STK3: variants seen among roughly 807,000 people sequenced by gnomAD.
The protein encoded by STK3 is serine/threonine kinase 3.
Under a neutral mutation model 58.0 loss-of-function variants are expected in STK3, and 41 were observed. The observed-to-expected ratio is 0.71, with a 90% CI of 0.55 to 0.92. The LOEUF (loss-of-function observed/expected upper bound fraction) is 0.92, where lower values mean the gene tolerates loss of function less well. Among genes scored for constraint, STK3 ranks in the 40% least tolerant of loss-of-function variants. The pLI is 0.00. For synonymous variants in STK3, 170 were observed against 191.0 expected (o/e 0.89, Z 0.91); for missense variants, 479 against 602.7 (o/e 0.79, Z 2.15).
At chr8:98,901,175 A>G (rs1192884861) in intron 1 of STK3, among the ~76,000 whole-genome samples, 2 of 152,200 alleles carry the variant, frequency 1.3e-5, no homozygotes, top group Admixed American at 6.5e-5. Flanking sequence ...TTATCACCAC[A>G]TGACTTTAGG....
In STK3 at chr8:98,378,539, A is replaced by C. The variant is rs376505331; in HGVS notation, n.111+614T>G. Among the ~76,000 whole-genome samples the C allele has an allele frequency of 1.2e-4, 18 of 152,332 alleles. 2 individuals are homozygous for C. The highest frequency in any genetic ancestry group is 3.4e-3 in the Middle Eastern group (1 of 294). On this transcript the variant is annotated intron_variant and non_coding_transcript_variant, in intron 2 of 2. Transcript: ENST00000518704. ...TTTCCTCATCTCTAGGATGGATAAA[A>C]GAATAGTATTTGGATTGTGAGTATA...
At chr8:98,735,515 A>T (rs1043545627) in intron 4 of STK3, among the ~76,000 whole-genome samples, 10 of 152,200 alleles carry the variant, frequency 6.6e-5, no homozygotes, top group African/African-American at 2.4e-4. Flanking sequence ...TAAGTCACAT[A>T]TACTATTTTA....
At chr8:98,841,749 C>G (rs1835997016) in intron 3 of STK3, among the ~76,000 whole-genome samples, 1 of 149,004 alleles carries the variant, frequency 6.7e-6, no homozygotes, top group African/African-American at 2.5e-5. Flanking sequence ...CTTGACAGTT[C>G]TATGGAAAAT....
intron 1 of STK3, among the ~76,000 whole-genome samples, chr8:98,924,454 C>T (rs1839707844): frequency 6.6e-6 from 1 of 152,182 alleles, no homozygotes. Flanking sequence ...CCTTCTTCTT[C>T]TTTATGCATA....
chr8:98,469,264 G>T (rs557046335), intron 10 of STK3, among the ~76,000 whole-genome samples: 7 of 147,532 alleles, frequency 4.7e-5, no homozygotes, highest in African/African-American at 7.4e-5. Context: ...GGGGCGGGGG[G>T]GCGGTCTGAG....
At chr8:98,831,882 T>C (rs956059834) in intron 3 of STK3, among the ~76,000 whole-genome samples, 3 of 152,230 alleles carry the variant, frequency 2.0e-5, no homozygotes, top group African/African-American at 7.2e-5. Flanking sequence ...TGTGAACCTC[T>C]TGGGAATAAG....
chr8:98,931,516 G>A (rs1006187836), intron 1 of STK3, among the ~76,000 whole-genome samples: 2 of 152,214 alleles, frequency 1.3e-5, no homozygotes, highest in African/African-American at 2.4e-5. Flanking sequence ...AAAATCATTT[G>A]AGCAAATAAT....
At chr8:98,350,183 A>G in the STK3 span, among the ~76,000 whole-genome samples, 3 of 151,982 alleles carry the variant, frequency 2.0e-5, no homozygotes, top group Non-Finnish European at 4.4e-5. Context: ...GATACCCTAA[A>G]TCATCTCTCT....
chr8:98,587,585 A>G lies in STK3; in HGVS notation c.823-7796T>C, dbSNP rs564579641. On this transcript the variant is annotated intron_variant, in intron 7 of 10. Transcript: ENST00000419617. ...AAAATGTATATTCTGTTGATTTGGG[A>G]TGGAGAGTTCTGTAGATGTCTATTA... Among the ~76,000 whole-genome samples the G allele has an allele frequency of 8.2e-4, 124 of 152,124 alleles. 1 individual carries two copies. Among genetic ancestry groups the G allele is most frequent in the African/African-American group, 2.8e-3 (118 of 41,450 alleles).
chr8:98,670,615 T>G (rs1446990176), intron 6 of STK3, among the ~76,000 whole-genome samples: 2 of 152,108 alleles, frequency 1.3e-5, no homozygotes, highest in Non-Finnish European at 2.9e-5. Flanking sequence ...AGAACTTCTA[T>G]TTCTGTTTGC....
intron 10 of STK3, among the ~76,000 whole-genome samples, chr8:98,457,916 GAAGA>G (rs550423056): frequency 2.6e-5 from 4 of 152,130 alleles, no homozygotes; most frequent in Non-Finnish European, 4.4e-5. Context: ...AAGCTACTTA[GAAGA>G]AAAATTTTCT....
chr8:98,889,587 G>A (rs1364862039), intron 1 of STK3, among the ~76,000 whole-genome samples: 1 of 152,160 alleles, frequency 6.6e-6, no homozygotes, highest in Non-Finnish European at 1.5e-5. Context: ...GTGTCCTTGG[G>A]CATGTTTTAA....
chr8:98,603,297 C>T (rs183416701), intron 6 of STK3: 4 of 151,742 alleles, frequency 2.6e-5, no homozygotes, highest in Admixed American at 2.6e-4. Flanking sequence ...AGTGCAGTGA[C>T]ATGATCTAGG....
intron 10 of STK3, among the ~76,000 whole-genome samples, chr8:98,516,835 C>T (rs143028320): frequency 0.011 from 1,667 of 151,912 alleles, 25 homozygotes; most frequent in African/African-American, 0.037. Context: ...AGAATATGGC[C>T]GATAATTAAC....
At chr8:98,463,716 C>A (rs1426254338) in intron 10 of STK3, among the ~76,000 whole-genome samples, 1 of 152,010 alleles carries the variant, frequency 6.6e-6, no homozygotes, top group Non-Finnish European at 1.5e-5. Context: ...ATCTTAAAAT[C>A]TCTGGGGAAA....
chr8:98,700,806 A>G (rs749618188), intron 6 of STK3, among the ~76,000 whole-genome samples: 2 of 152,188 alleles, frequency 1.3e-5, no homozygotes, highest in Non-Finnish European at 2.9e-5. Context: ...TGATCCATAC[A>G]GTTCTTTCCT....
chr8:98,607,493 G>A (rs1263696192), intron 6 of STK3, among the ~76,000 whole-genome samples: 1 of 152,126 alleles, frequency 6.6e-6, no homozygotes, highest in Non-Finnish European at 1.5e-5. Context: ...TCACAAAAAA[G>A]ACACTTTTGA....
In STK3 at chr8:98,515,546, T is replaced by A. The variant is rs540716328; in HGVS notation, c.1317+11196A>T. On this transcript the variant is annotated intron_variant, in intron 10 of 10. Coordinates refer to ENST00000419617, the MANE Select transcript of STK3 (RefSeq NM_006281.4). ...TGGATTCAGTGCTATGATTTATGCATCTCCTCTTTCTCTTGACTGATGGCT... is the reference window on the plus strand; with the variant it reads ...TGGATTCAGTGCTATGATTTATGCAACTCCTCTTTCTCTTGACTGATGGCT... 2.0e-5 allele frequency among the ~76,000 whole-genome samples: 3 copies of A among 152,234 alleles called. No homozygotes were observed. The South Asian group carries it at 6.2e-4, about 32-fold the overall frequency.
At chr8:98,614,347 T>A (rs1253587489) in intron 6 of STK3, among the ~76,000 whole-genome samples, 1 of 151,960 alleles carries the variant, frequency 6.6e-6, no homozygotes, top group Non-Finnish European at 1.5e-5. Flanking sequence ...TGGAATCACA[T>A]TAGAAATCAA....
Sources: allele counts gnomAD v4.1 joint callset (sites outside exome capture counted in the v4.1 genomes callset), GRCh38; gene constraint gnomAD v4.1.1; transcripts MANE v1.5; gene names NCBI Gene and HGNC (gene_info 2026-07-23, HGNC 2026-07-21).